MYT1L: variants seen among roughly 807,000 people sequenced by gnomAD.
MYT1L encodes myelin transcription factor 1-like protein.
MYT1L carries 12 observed loss-of-function variants against 126.7 expected under a neutral mutation model. The observed-to-expected ratio is 0.09, with a 90% CI of 0.06 to 0.15. The LOEUF (loss-of-function observed/expected upper bound fraction) is 0.15, where lower values mean the gene tolerates loss of function less well. Among genes scored for constraint, MYT1L ranks in the 10% least tolerant of loss-of-function variants. The probability of loss-of-function intolerance (pLI) is 1.00; values close to 1 mark genes in which losing one functional copy is unlikely to be tolerated. For missense variants in MYT1L, 979 were observed against 1,585.2 expected, an observed-to-expected ratio of 0.62 and a Z score of 6.49; for synonymous variants, 541 against 604.2, an observed-to-expected ratio of 0.90 and a Z score of 1.53.
At chr2:2,322,373 T>C (rs2096182891) in intron 1 of MYT1L, among the ~76,000 whole-genome samples, 1 of 152,118 alleles carries the variant, frequency 6.6e-6, no homozygotes, top group Non-Finnish European at 1.5e-5. Flanking sequence ...AAGGCTGCTT[T>C]TCTTTCCAAA....
intron 2 of MYT1L, among the ~76,000 whole-genome samples, chr2:2,282,563 T>C (rs114267168): frequency 5.3e-5 from 8 of 152,262 alleles, no homozygotes; most frequent in African/African-American, 1.9e-4. Flanking sequence ...ATGTATATAG[T>C]CTTGAGTCAA....
intron 21 of MYT1L, among the ~76,000 whole-genome samples, chr2:1,813,785 TG>T (rs771057679): frequency 2.0e-5 from 3 of 149,868 alleles, no homozygotes. Flanking sequence ...CCCAGCACTT[TG>T]GGAGGCCGAG....
At chr2:2,303,590 G>A (rs1053530122) in intron 1 of MYT1L, 1 of 152,296 alleles carries the variant, frequency 6.6e-6, no homozygotes, top group Non-Finnish European at 1.5e-5. Flanking sequence ...AGTGCACTTA[G>A]GCAGCGTACG....
At position 1,811,710 on chromosome 2, in the gene MYT1L, A is replaced by C. The variant is rs6723926; in HGVS notation, c.3081-2543T>G. Among the ~76,000 whole-genome samples, 93,960 of 151,896 alleles carry C rather than the reference A, an allele frequency of 0.62. 29,306 individuals carry two copies. The highest frequency in any genetic ancestry group is 0.76 in the South Asian group (3,675 of 4,806). ...TGTTTACACCGGAAATCCCTGTGCT[A>C]CTCAAGCTGTCTTTAGTGTGGGGCG... On this transcript the variant is annotated intron_variant, in intron 21 of 24. Coordinates refer to ENST00000647738, the MANE Select transcript of MYT1L (RefSeq NM_001303052.2). The surrounding 1 kb of genome is among the most constrained non-coding windows in gnomAD (Gnocchi z 4.4).
At chr2:2,243,319 C>T (rs1485317382) in intron 2 of MYT1L, among the ~76,000 whole-genome samples, 1 of 152,134 alleles carries the variant, frequency 6.6e-6, no homozygotes, top group East Asian at 1.9e-4. Flanking sequence ...AATTCTTTTG[C>T]AAAGAGAACA....
intron 2 of MYT1L, among the ~76,000 whole-genome samples, chr2:2,225,967 A>G (rs547083605): frequency 6.6e-6 from 1 of 152,240 alleles, no homozygotes; most frequent in Admixed American, 6.5e-5. Context: ...TGGAATGGGG[A>G]CATGGATGCA....
chr2:1,816,466 C>G (rs956234796), intron 21 of MYT1L: 3 of 152,706 alleles, frequency 2.0e-5, no homozygotes, highest in African/African-American at 7.2e-5. Context: ...CTCAAGCCCC[C>G]CCACGCCACT....
chr2:2,165,827 T>C lies in MYT1L; in HGVS notation c.-304+7045A>G, dbSNP rs146626880. On this transcript the variant is annotated intron_variant, in intron 3 of 24. Coordinates refer to ENST00000647738, the MANE Select transcript of MYT1L (RefSeq NM_001303052.2). ...ATCTTTTATTTTTCTACTTTGTAAATTTTTATTTTTCTACTGTGTAAATCT... is the reference window on the plus strand; with the variant it reads ...ATCTTTTATTTTTCTACTTTGTAAACTTTTATTTTTCTACTGTGTAAATCT... Among the ~76,000 whole-genome samples the C allele has an allele frequency of 8.3e-3, 1,264 of 151,932 alleles. 15 individuals are homozygous for C. The highest frequency in any genetic ancestry group is 0.028 in the African/African-American group (1,162 of 41,520).
At position 1,913,613 on chromosome 2, in the gene MYT1L, A is replaced by C. The variant is rs138526798; in HGVS notation, c.1619-1503T>G. ...ACCACCGTGTGACAACAGCACACGA[A>C]TGCTTCTCTTCACACTGCTCCCCTC... is the stretch of plus-strand genomic sequence containing the variant. On this transcript the variant is annotated intron_variant, in intron 11 of 24. Coordinates refer to ENST00000647738, the MANE Select transcript of MYT1L (RefSeq NM_001303052.2). 7.7e-3 allele frequency among the ~76,000 whole-genome samples: 1,170 copies of C among 152,152 alleles called. 14 individuals carry two copies. The highest frequency in any genetic ancestry group is 0.027 in the African/African-American group (1,127 of 41,500).
chr2:2,004,269 GC>G (rs2062833348), intron 4 of MYT1L, among the ~76,000 whole-genome samples: 1 of 146,702 alleles, frequency 6.8e-6, no homozygotes, highest in Non-Finnish European at 1.5e-5. Context: ...GTTCTTTCCT[GC>G]AGGCGTTCTT....
chr2:2,016,669 A>T lies in MYT1L; in HGVS notation c.-157-19322T>A, dbSNP rs73913039. Among the ~76,000 whole-genome samples the T allele has an allele frequency of 7.4e-3, 1,134 of 152,360 alleles. 15 individuals are homozygous for T. Among genetic ancestry groups the T allele is most frequent in the African/African-American group, 0.022 (928 of 41,578 alleles). Reference sequence around the variant, plus strand: ...ACTCCAAAGACAATAAAAGACAAAAATAATATTTAGAATCAAGAGGGAGAA... The same window carrying T: ...ACTCCAAAGACAATAAAAGACAAAATTAATATTTAGAATCAAGAGGGAGAA... On this transcript the variant is annotated intron_variant, in intron 4 of 24. Transcript: ENST00000647738.
Position 1,844,212 on chromosome 2 carries a change from C to G in MYT1L, c.2775-3369G>C, listed in dbSNP as rs1373409905. On this transcript the variant is annotated intron_variant, in intron 19 of 24. Transcript: ENST00000647738. ...CCCTAGCACAGCAGGACCTAGCTTC[C>G]CCTTCAGCACTGAACACCCCCAGGA... Among the ~76,000 whole-genome samples the G allele has an allele frequency of 2.0e-5, 3 of 152,170 alleles. No homozygotes were observed. In the East Asian group the frequency reaches 5.8e-4, roughly 29 times the overall value.
chr2:1,886,623 G>C lies in MYT1L; in HGVS notation c.2643-16C>G. On this transcript the variant is annotated splice_polypyrimidine_tract_variant and intron_variant, in intron 17 of 24. Transcript: ENST00000647738. ...GCCAGACAGACTGTAAGACAGGCCG[G>C]GACAGGCAGGTCAGTCAACTGCGAA... 2.6e-6 allele frequency: 4 copies of C among 1,534,584 alleles called. No individual in the cohort carries two copies. The highest frequency in any genetic ancestry group is 3.5e-6 in the Non-Finnish European group (4 of 1,140,466).
chr2:2,302,006 T>G (rs1246452341), intron 1 of MYT1L, among the ~76,000 whole-genome samples: 1 of 152,138 alleles, frequency 6.6e-6, no homozygotes, highest in East Asian at 1.9e-4. Context: ...TGATTCAACC[T>G]CTATAAAGGA....
chr2:2,057,644 A>G (rs527665064), intron 3 of MYT1L, among the ~76,000 whole-genome samples: 2 of 152,292 alleles, frequency 1.3e-5, no homozygotes, highest in East Asian at 3.9e-4. Flanking sequence ...GCAACCACTC[A>G]TCAGTGTTTC....
intron 3 of MYT1L, among the ~76,000 whole-genome samples, chr2:2,094,622 G>A (rs1489673161): frequency 2.0e-5 from 3 of 152,154 alleles, no homozygotes; most frequent in African/African-American, 7.2e-5. Context: ...GTCCTTTGTA[G>A]GGACATGGAT....
At chr2:2,125,017 T>C (rs1254017897) in intron 3 of MYT1L, among the ~76,000 whole-genome samples, 1 of 152,236 alleles carries the variant, frequency 6.6e-6, no homozygotes, top group Non-Finnish European at 1.5e-5. Flanking sequence ...CCATAGTTAG[T>C]TGAGGTTTTC....
intron 18 of MYT1L, among the ~76,000 whole-genome samples, chr2:1,853,339 CA>C (rs766225186): frequency 6.6e-6 from 1 of 152,216 alleles, no homozygotes; most frequent in Non-Finnish European, 1.5e-5. Context: ...GTCTGCATAT[CA>C]TGAGCAACAA....
chr2:2,290,947 C>G (rs2095590059), intron 1 of MYT1L, among the ~76,000 whole-genome samples: 1 of 152,096 alleles, frequency 6.6e-6, no homozygotes, highest in South Asian at 2.1e-4. Flanking sequence ...CAAAACACAA[C>G]CACTTCCTCC....
Sources: allele counts gnomAD v4.1 joint callset (sites outside exome capture counted in the v4.1 genomes callset), GRCh38; gene constraint gnomAD v4.1.1; non-coding constraint Gnocchi (gnomAD v3.1); transcripts MANE v1.5; gene names NCBI Gene and HGNC (gene_info 2026-07-23, HGNC 2026-07-21).